Variants in KCNH5 observed in about 807,000 individuals in gnomAD.
The protein encoded by KCNH5 is potassium voltage-gated channel subfamily H member 5.
In KCNH5, 46 loss-of-function variants were observed where a neutral mutation model predicts 96.1. The ratio of observed to expected loss-of-function variants is 0.48; its 90% CI spans 0.38 to 0.61. The LOEUF is 0.61. Ranked by LOEUF, KCNH5 falls within the 20% of genes least tolerant of loss-of-function variation. KCNH5 has a pLI of 0.00. For synonymous variants in KCNH5, 439 were observed against 449.8 expected, an observed-to-expected ratio of 0.98 and a Z score of 0.30; for missense variants, 907 against 1,225.8, an observed-to-expected ratio of 0.74 and a Z score of 3.88.
Position 62,708,099 on chromosome 14 carries a change from T to C in KCNH5, c.2376A>G (p.Gln792=). The change falls in exon 11 of 11, where the codon CAA becomes CAG. Residue 792 remains glutamine, a synonymous_variant. Transcript: ENST00000322893. The part of the protein sequence containing the change: ...MELKPNGGAD[Q]KCLKVNSPIR... ...TTGGGCTGTTGACTTTGAGACATTT[T>C]TGGTCAGCACCGCCGTTGGGCTTGA... 1 of 1,614,242 alleles carries C rather than the reference T, an allele frequency of 6.2e-7. No individual in the cohort carries two copies. The highest frequency in any genetic ancestry group is 8.5e-7 in the Non-Finnish European group (1 of 1,180,050).
At chr14:62,728,469 T>C (rs1402376791) in intron 10 of KCNH5, among the ~76,000 whole-genome samples, 1 of 152,002 alleles carries the variant, frequency 6.6e-6, no homozygotes, top group Non-Finnish European at 1.5e-5. Flanking sequence ...ATTGTTTTTA[T>C]AAGAAAGATT....
chr14:62,815,604 C>A (rs1886962467), intron 8 of KCNH5, among the ~76,000 whole-genome samples: 1 of 151,730 alleles, frequency 6.6e-6, no homozygotes, highest in Non-Finnish European at 1.5e-5. Flanking sequence ...CACTGTATAC[C>A]TTAAATATAT....
In KCNH5 at chr14:62,958,079, G is replaced by A. The variant is rs146137783; in HGVS notation, c.943-7520C>T. On this transcript the variant is annotated intron_variant, in intron 6 of 10. Transcript: ENST00000322893. ...AGAACACTGGGGCAATATAGATATC[G>A]CGTTAATAGAGAGGTCCCATCTTAA... is the stretch of plus-strand genomic sequence containing the variant. Among the ~76,000 whole-genome samples, 1,339 of 152,244 alleles carry A rather than the reference G, an allele frequency of 8.8e-3. 12 individuals are homozygous for A. The highest frequency in any genetic ancestry group is 0.015 in the Non-Finnish European group (987 of 68,016).
rs528544068 is a variant in KCNH5, at chr14:62,996,731, T to G, written c.433+4600A>C. Among the ~76,000 whole-genome samples, 41 of 152,326 alleles carry G rather than the reference T, an allele frequency of 2.7e-4. 2 individuals are homozygous for G. In the South Asian group the frequency reaches 8.5e-3, roughly 32 times the overall value. ...CTTTGAGTTTCCATAAATAGATATG[T>G]AGTTACTGACACCACCACTTAGGTT... On this transcript the variant is annotated intron_variant, in intron 4 of 10. Transcript: ENST00000322893.
intron 1 of KCNH5, among the ~76,000 whole-genome samples, chr14:63,032,164 G>A (rs987080475): frequency 2.0e-5 from 3 of 150,768 alleles, no homozygotes; most frequent in Non-Finnish European, 4.4e-5. Flanking sequence ...GGCATGTGAA[G>A]AAAGTCAGCT....
intron 7 of KCNH5, among the ~76,000 whole-genome samples, chr14:62,942,713 A>C (rs1889811301): frequency 6.6e-6 from 1 of 152,220 alleles, no homozygotes; most frequent in Admixed American, 6.5e-5. Context: ...AGTCAATTAC[A>C]GAAAGTTTTT....
chr14:62,979,859 A>G (rs1890572815), intron 6 of KCNH5, among the ~76,000 whole-genome samples: 1 of 152,194 alleles, frequency 6.6e-6, no homozygotes, highest in Non-Finnish European at 1.5e-5. Context: ...ACACTGAAGA[A>G]GCAGAGCCTT....
intron 7 of KCNH5, among the ~76,000 whole-genome samples, chr14:62,891,086 C>T (rs144024596): frequency 8.8e-4 from 134 of 152,166 alleles, no homozygotes; most frequent in South Asian, 4.4e-3. Context: ...AATCATTCTA[C>T]CATAAAGACA....
At chr14:62,737,685 T>C (rs1337453323) in intron 10 of KCNH5, among the ~76,000 whole-genome samples, 1 of 152,162 alleles carries the variant, frequency 6.6e-6, no homozygotes, top group African/African-American at 2.4e-5. Context: ...ATGATATTCT[T>C]AATTATTGAG....
At position 62,744,600 on chromosome 14, in the gene KCNH5, A is replaced by G. The variant is rs1048230748; in HGVS notation, c.2019+35128T>C. Among the ~76,000 whole-genome samples, 5 of 152,362 alleles carry G rather than the reference A, an allele frequency of 3.3e-5. No individual in the cohort carries two copies. In the South Asian group the frequency reaches 1.0e-3, roughly 32 times the overall value. On this transcript the variant is annotated intron_variant, in intron 10 of 10. Coordinates refer to ENST00000322893, the MANE Select transcript of KCNH5 (RefSeq NM_139318.5). ...TGATTTGGGATACTAAATAAAGACA[A>G]AAAGAACTGTTCATATCTTGAGCAT...
intron 7 of KCNH5, among the ~76,000 whole-genome samples, chr14:62,947,041 T>TAC (rs1234740294): frequency 1.3e-5 from 2 of 152,120 alleles, no homozygotes; most frequent in Non-Finnish European, 2.9e-5. Flanking sequence ...TACAGAGCTA[T>TAC]ACACACACAT....
At chr14:62,769,415 C>A (rs764160252) in intron 10 of KCNH5, among the ~76,000 whole-genome samples, 1 of 152,202 alleles carries the variant, frequency 6.6e-6, no homozygotes, top group Admixed American at 6.5e-5. Flanking sequence ...TCAGAGCAAT[C>A]GTTTTCTCTT....
chr14:62,877,605 C>T (rs1302766320), intron 7 of KCNH5, among the ~76,000 whole-genome samples: 1 of 152,178 alleles, frequency 6.6e-6, no homozygotes, highest in East Asian at 1.9e-4. Context: ...TGCTCACAAT[C>T]ACTGGCCATC....
At chr14:62,822,240 A>C (rs1311009260) in intron 8 of KCNH5, among the ~76,000 whole-genome samples, 1 of 152,148 alleles carries the variant, frequency 6.6e-6, no homozygotes, top group Admixed American at 6.6e-5. Flanking sequence ...TAAAAATCCC[A>C]GAAAATTTTC....
chr14:62,815,575 A>T (rs1422295376), intron 8 of KCNH5, among the ~76,000 whole-genome samples: 1 of 152,128 alleles, frequency 6.6e-6, no homozygotes, highest in Non-Finnish European at 1.5e-5. Flanking sequence ...CATTTTACAT[A>T]TATATACACA....
intron 1 of KCNH5, among the ~76,000 whole-genome samples, chr14:63,024,441 G>T (rs1194379027): frequency 6.6e-6 from 1 of 151,788 alleles, no homozygotes; most frequent in Middle Eastern, 3.2e-3. Context: ...GATTTGAGCA[G>T]AAATAAATGA....
Position 63,006,451 on chromosome 14 carries a change from A to G in KCNH5, c.219T>C (p.Thr73=). 6.2e-7 allele frequency: 1 copy of G among 1,610,966 alleles called. No individual in the cohort carries two copies. Among genetic ancestry groups the G allele is most frequent in the South Asian group, 1.1e-5 (1 of 90,908 alleles). The change falls in exon 3 of 11, where the codon ACT becomes ACC. Residue 73 remains threonine (T), a synonymous_variant. Coordinates refer to ENST00000322893, the MANE Select transcript of KCNH5 (RefSeq NM_139318.5). ...STCSFMYGEL[T]DKKTIEKVRQ... The stretch of plus-strand genomic sequence containing the variant: ...TGACTTTCTCAATGGTCTTCTTGTC[A>G]GTCAATTCCCCATACATAAAACTGG...
At chr14:62,773,611 G>A (rs1886035733) in intron 10 of KCNH5, among the ~76,000 whole-genome samples, 1 of 152,192 alleles carries the variant, frequency 6.6e-6, no homozygotes, top group East Asian at 1.9e-4. Flanking sequence ...CTCATGAGAA[G>A]ACGTATAGAA....
At chr14:62,863,135 C>G (rs1235239972) in intron 7 of KCNH5, among the ~76,000 whole-genome samples, 1 of 152,146 alleles carries the variant, frequency 6.6e-6, no homozygotes, top group East Asian at 1.9e-4. Flanking sequence ...GCTTTATAGT[C>G]TTTAACGTGT....
Sources: allele counts gnomAD v4.1 joint callset (sites outside exome capture counted in the v4.1 genomes callset), GRCh38; gene constraint gnomAD v4.1.1; transcripts MANE v1.5; gene names NCBI Gene and HGNC (gene_info 2026-07-23, HGNC 2026-07-21).